Variants in TENM2 observed in about 807,000 individuals in gnomAD.
TENM2 encodes the protein teneurin transmembrane protein 2, also known as teneurin-2.
A neutral mutation model predicts 245.2 loss-of-function variants in TENM2; 52 were observed. The observed-to-expected ratio is 0.21, with a 90% CI of 0.17 to 0.27. The LOEUF (loss-of-function observed/expected upper bound fraction) is 0.27, where lower values mean the gene tolerates loss of function less well. TENM2 is among the 10% of genes least tolerant of loss of function. TENM2 has a pLI of 1.00. For synonymous variants in TENM2, 1,363 were observed against 1,438.9 expected (o/e 0.95, Z 1.19); for missense variants, 3,046 against 3,666.8 (o/e 0.83, Z 4.37).
intron 2 of TENM2, among the ~76,000 whole-genome samples, chr5:167,487,618 G>C (rs773769688): frequency 6.6e-6 from 1 of 151,978 alleles, no homozygotes; most frequent in Non-Finnish European, 1.5e-5. Flanking sequence ...TTGGGTTTTT[G>C]GTCTTTCATT....
intron 1 of TENM2, among the ~76,000 whole-genome samples, chr5:167,288,785 C>T (rs563992280): frequency 1.3e-5 from 2 of 152,250 alleles, no homozygotes; most frequent in African/African-American, 2.4e-5. Context: ...CGGAGATAGG[C>T]TTCAAACCTA....
chr5:168,022,914 T>C (rs1308611822), intron 5 of TENM2, among the ~76,000 whole-genome samples: 1 of 152,144 alleles, frequency 6.6e-6, no homozygotes, highest in Non-Finnish European at 1.5e-5. Context: ...CAGTGTTCCA[T>C]GTCCATCTCG....
chr5:167,958,447 G>A, intron 4 of TENM2, among the ~76,000 whole-genome samples: 1 of 152,180 alleles, frequency 6.6e-6, no homozygotes, highest in Non-Finnish European at 1.5e-5. Context: ...GCCAGTCTGT[G>A]TCTTTTAATT....
the TENM2 span, among the ~76,000 whole-genome samples, chr5:167,269,552 C>CACACAT: frequency 6.6e-6 from 1 of 151,830 alleles, no homozygotes; most frequent in Non-Finnish European, 1.5e-5. Context: ...CACACACACA[C>CACACAT]ACAATCAGAT....
the TENM2 span, among the ~76,000 whole-genome samples, chr5:167,025,818 TC>T: frequency 2.2e-3 from 336 of 152,336 alleles, 4 homozygotes; most frequent in African/African-American, 7.8e-3. Context: ...TATGTCAAGT[TC>T]CTAGTATAGT....
the TENM2 span, among the ~76,000 whole-genome samples, chr5:167,249,047 T>G: frequency 6.6e-6 from 1 of 152,278 alleles, no homozygotes; most frequent in South Asian, 2.1e-4. Flanking sequence ...TCTAGGCAGC[T>G]TATACCCACC....
chr5:167,876,751 A>G (rs1235200434), intron 3 of TENM2, among the ~76,000 whole-genome samples: 1 of 152,124 alleles, frequency 6.6e-6, no homozygotes, highest in Non-Finnish European at 1.5e-5. Flanking sequence ...CCTCTCCTGT[A>G]ACCCTTTGCT....
At chr5:167,931,975 TTTC>T in intron 3 of TENM2, among the ~76,000 whole-genome samples, 1 of 152,308 alleles carries the variant, frequency 6.6e-6, no homozygotes, top group African/African-American at 2.4e-5. Flanking sequence ...GACATTTCTG[TTTC>T]AATAAAGCCC....
chr5:168,054,242 T>C (rs1175322937), intron 6 of TENM2, among the ~76,000 whole-genome samples: 13 of 152,270 alleles, frequency 8.5e-5, no homozygotes. Flanking sequence ...AAGCAGTGAC[T>C]TTCAGGATGT....
chr5:168,225,687 G>A (rs577710614), intron 23 of TENM2, among the ~76,000 whole-genome samples: 2 of 151,762 alleles, frequency 1.3e-5, no homozygotes, highest in African/African-American at 4.8e-5. Flanking sequence ...CTTGAACCCA[G>A]GAGGTGGAGG....
intron 2 of TENM2, among the ~76,000 whole-genome samples, chr5:167,627,849 G>A (rs573000179): frequency 5.9e-5 from 9 of 152,118 alleles, no homozygotes; most frequent in African/African-American, 1.4e-4. Context: ...GAGCCACCAC[G>A]CCTGGTCCGA....
intron 2 of TENM2, among the ~76,000 whole-genome samples, chr5:167,593,941 C>T (rs1236142884): frequency 6.6e-6 from 1 of 152,148 alleles, no homozygotes; most frequent in Non-Finnish European, 1.5e-5. Flanking sequence ...ATGCAGCTGT[C>T]ATTGGGTGAC....
chr5:167,960,495 T>G (rs2151882657), intron 4 of TENM2, among the ~76,000 whole-genome samples: 1 of 152,296 alleles, frequency 6.6e-6, no homozygotes, highest in South Asian at 2.1e-4. Flanking sequence ...GTTTACACTG[T>G]GAGGGGAAAA....
chr5:167,312,921 TAA>T (rs1756127928), intron 1 of TENM2, among the ~76,000 whole-genome samples: 1 of 146,580 alleles, frequency 6.8e-6, no homozygotes. Flanking sequence ...TTTTTTTTTT[TAA>T]ATGGAGCCTC....
At chr5:168,011,144 G>A (rs1562048689) in intron 5 of TENM2, among the ~76,000 whole-genome samples, 1 of 152,210 alleles carries the variant, frequency 6.6e-6, no homozygotes, top group African/African-American at 2.4e-5. Context: ...CATTAATGAG[G>A]TGGTCAGGGT....
intron 23 of TENM2, among the ~76,000 whole-genome samples, chr5:168,225,261 G>A (rs984138448): frequency 1.4e-4 from 21 of 152,316 alleles, no homozygotes; most frequent in African/African-American, 4.8e-4. Flanking sequence ...GGCACAGGCT[G>A]ATTGTCCAGA....
the TENM2 span, among the ~76,000 whole-genome samples, chr5:167,117,395 T>A: frequency 6.6e-6 from 1 of 151,922 alleles, no homozygotes; most frequent in African/African-American, 2.4e-5. Context: ...CCCAGCTACT[T>A]GGGAGGCTGA....
At chr5:167,361,427 A>G (rs1240988117) in intron 1 of TENM2, among the ~76,000 whole-genome samples, 1 of 152,200 alleles carries the variant, frequency 6.6e-6, no homozygotes, top group African/African-American at 2.4e-5. Flanking sequence ...TATAAACAAC[A>G]TATAGCACTC....
chr5:167,646,607 G>A (rs558322232), intron 2 of TENM2, among the ~76,000 whole-genome samples: 2 of 152,024 alleles, frequency 1.3e-5, no homozygotes, highest in South Asian at 2.1e-4. Context: ...CAAACGCTAC[G>A]GGGCAAGAGA....
Sources: gnomAD v4.1 joint callset for allele counts (sites outside exome capture counted in the v4.1 genomes callset) on GRCh38, gnomAD v4.1.1 for gene constraint, MANE v1.5 for transcripts, NCBI Gene and HGNC (gene_info 2026-07-23, HGNC 2026-07-21) for gene names.